Variants in CCT8 observed in about 807,000 individuals in gnomAD.
CCT8 encodes the protein T-complex protein 1 subunit theta.
CCT8 carries 10 observed loss-of-function variants against 65.7 expected under a neutral mutation model. The observed-to-expected ratio is 0.15, with a 90% CI of 0.09 to 0.26. The LOEUF (loss-of-function observed/expected upper bound fraction) is 0.26, where lower values mean the gene tolerates loss of function less well. Ranked by LOEUF, CCT8 falls within the 10% of genes least tolerant of loss-of-function variation. The pLI, the probability that CCT8 is intolerant of heterozygous loss-of-function variation, is 1.00. For synonymous variants in CCT8, 199 were observed against 221.8 expected (o/e 0.90, Z 0.92); for missense variants, 568 against 669.1 (o/e 0.85, Z 1.67).
chr21:29,066,954 A>G lies in CCT8; in HGVS notation c.499T>C (p.Ser167Pro), dbSNP rs751025576. The G allele has an allele frequency of 2.5e-6, 4 of 1,613,328 alleles. No individual in the cohort carries two copies. The highest frequency in any genetic ancestry group is 3.4e-6 in the Non-Finnish European group (4 of 1,179,388). The part of the protein sequence containing the change: ...IDEVSSLLRT[S>P]IMSKQYGNEV... ...TTACCATATTGTTTACTCATTATGGAGGTACGAAGTAGAGATGAGACTTCA... is the reference window on the plus strand; with the variant it reads ...TTACCATATTGTTTACTCATTATGGGGGTACGAAGTAGAGATGAGACTTCA... The change falls in exon 5 of 15, where the codon TCC becomes CCC. Residue 167 changes from serine to proline, a missense_variant. Coordinates refer to ENST00000286788, the MANE Select transcript of CCT8 (RefSeq NM_006585.4).
rs2085574616 is a variant in CCT8 at position 29,062,434 on chromosome 21, T to G, written c.1009-19A>C. On this transcript the variant is annotated intron_variant, in intron 9 of 14. Coordinates refer to ENST00000286788, the MANE Select transcript of CCT8 (RefSeq NM_006585.4). ...GAGGTGTCTGTAAGAAAGTGACTGT[T>G]GTAATAAAAATTCCATCTTGTTCAA... 1 of 1,611,966 alleles carries G rather than the reference T, an allele frequency of 6.2e-7. No individual in the cohort carries two copies. Among genetic ancestry groups the G allele is most frequent in the Admixed American group, 1.7e-5 (1 of 59,994 alleles).
chr21:29,069,056 C>G (rs1290567922), intron 3 of CCT8, among the ~76,000 whole-genome samples: 2 of 152,076 alleles, frequency 1.3e-5, no homozygotes, highest in African/African-American at 4.8e-5. Flanking sequence ...TTTATTTTCA[C>G]AAAACCAAAT....
chr21:29,072,646 C>T (rs1260631521), intron 1 of CCT8, among the ~76,000 whole-genome samples: 6 of 152,196 alleles, frequency 3.9e-5, no homozygotes, highest in Non-Finnish European at 1.5e-5. Flanking sequence ...TTAATGCTCC[C>T]CGTACCTCGC....
At position 29,065,104 on chromosome 21, in the gene CCT8, C is replaced by A; in HGVS notation, c.626G>T (p.Gly209Val). 2 of 1,613,602 alleles carry A rather than the reference C, an allele frequency of 1.2e-6. No individual in the cohort carries two copies. The highest frequency in any genetic ancestry group is 1.7e-6 in the Non-Finnish European group (2 of 1,179,838). Residue 209 changes from glycine (G) to valine (V), a missense_variant and splice_region_variant, in exon 7 of 15, where the codon GGC (glycine) becomes GTC (valine). Gly to Val is a moderately radical substitution (Grantham distance 109). Transcript: ENST00000286788. ...VDNIRVCKIL[G>V]SGISSSSVLH... is the part of the protein sequence containing the mutation. ...TACTGAAGAGGAACTGATACCAGAGCCCTAAGGAATTGAATACCAAACTCA... is the reference window on the plus strand; with the variant it reads ...TACTGAAGAGGAACTGATACCAGAGACCTAAGGAATTGAATACCAAACTCA...
intron 14 of CCT8, among the ~76,000 whole-genome samples, chr21:29,058,858 C>T (rs1490924572): frequency 6.6e-6 from 1 of 152,114 alleles, no homozygotes; most frequent in Non-Finnish European, 1.5e-5. Flanking sequence ...TCCCAAAGTG[C>T]TGGGATTACA....
intron 1 of CCT8, 181 bp downstream of exon 1, chr21:29,073,350 G>A (rs1304047772): frequency 2.8e-6 from 4 of 1,427,336 alleles, no homozygotes; most frequent in Non-Finnish European, 3.7e-6. Context: ...AAGAAGAGAA[G>A]TGCCCGCAGG....
chr21:29,073,634 G>A lies in CCT8; in HGVS notation c.-44C>T, dbSNP rs1176427693. 1.9e-6 allele frequency: 3 copies of A among 1,586,690 alleles called. No homozygotes were observed. The highest frequency in any genetic ancestry group is 1.3e-5 in the African/African-American group (1 of 74,480). ...AGTTCACGCGACCGCTCGGAAGACC[G>A]CGGAGGAAGCGAGGAGCACGCACAG... On this transcript the variant is annotated 5_prime_UTR_variant, in exon 1 of 15. Coordinates refer to ENST00000286788, the MANE Select transcript of CCT8 (RefSeq NM_006585.4).
chr21:29,065,176 C>G, intron 6 of CCT8, 71 bp from the exon 7 acceptor site: 1 of 1,482,806 alleles, frequency 6.7e-7, no homozygotes, highest in African/African-American at 1.4e-5. Flanking sequence ...GTTGATTCTC[C>G]ATATACCAAA....
At chr21:29,073,381 C>CA (rs1363780023) in intron 1 of CCT8, 150 bp downstream of exon 1, 84 of 1,464,172 alleles carry the variant, frequency 5.7e-5, no homozygotes, top group Non-Finnish European at 7.0e-5. Flanking sequence ...CGAGCCCTTC[C>CA]AAAATCACCT....
chr21:29,067,401 A>T, intron 4 of CCT8, 155 bp downstream of exon 4: 1 of 512,720 alleles, frequency 2.0e-6, no homozygotes, highest in Non-Finnish European at 3.3e-6. Context: ...CTAAAATGAT[A>T]CAGCATGTGA....
Position 29,073,345 on chromosome 21 carries a change from G to A in CCT8, c.60+186C>T, listed in dbSNP as rs182660661. ...CGGCCTTCTCCCGGTCGCGGAAGAA[G>A]AGAAGTGCCCGCAGGCTCCGGTGGC... On this transcript the variant is annotated intron_variant, in intron 1 of 14. Transcript: ENST00000286788. 43 of 1,425,218 alleles carry A rather than the reference G, an allele frequency of 3.0e-5. No homozygotes were observed. In the African/African-American group the frequency reaches 5.2e-4, roughly 17 times the overall value. The allele number at this position is 1,425,218 out of a possible 1,614,324, so 88.3% of individuals were successfully genotyped here. A position where few individuals can be genotyped will look rare whatever the true frequency, so the allele number is the denominator to read the frequency against.
intron 14 of CCT8, among the ~76,000 whole-genome samples, chr21:29,059,081 G>T (rs1348182401): frequency 6.6e-6 from 1 of 152,120 alleles, no homozygotes; most frequent in African/African-American, 2.4e-5. Context: ...ACCTGGCTGA[G>T]AACTGTCATT....
chr21:29,073,372 G>T, intron 1 of CCT8, 159 bp downstream of exon 1: 1 of 1,446,340 alleles, frequency 6.9e-7, no homozygotes. Flanking sequence ...TCCGGTGGCC[G>T]AGCCCTTCCA....
In CCT8 at chr21:29,067,703, T is replaced by C. The variant is rs1388903313; in HGVS notation, c.234A>G (p.Val78=). The part of the protein sequence containing the change: ...DAATILRELE[V]QHPAAKMIVM... ...CAATCATTTTTGCAGCAGGATGCTG[T>C]ACCTAGTAGAAAAGGTAATATCAAG... is the stretch of plus-strand genomic sequence containing the variant. Residue 78 remains valine, a splice_region_variant and synonymous_variant, in exon 4 of 15, where the codon GTA becomes GTG. Coordinates refer to ENST00000286788, the MANE Select transcript of CCT8 (RefSeq NM_006585.4). 7.4e-7 allele frequency: 1 copy of C among 1,357,438 alleles called. No homozygotes were observed. Among genetic ancestry groups the C allele is most frequent in the Non-Finnish European group, 9.6e-7 (1 of 1,046,746 alleles). The allele number at this position is 1,357,438 out of a possible 1,614,324, so 84.1% of individuals were successfully genotyped here.
At position 29,061,570 on chromosome 21, in the gene CCT8, G is replaced by C; in HGVS notation, c.1213-3C>G. On this transcript the variant is annotated splice_polypyrimidine_tract_variant and splice_region_variant and intron_variant, in intron 11 of 14. Transcript: ENST00000286788. ...CCTCCGGGTACAAGACGTTTATCCT[G>C]TATGTAGCGCCCCCACCAAAAAAAA... The C allele has an allele frequency of 6.2e-7, 1 of 1,612,802 alleles. No homozygotes were observed. The highest frequency in any genetic ancestry group is 8.5e-7 in the Non-Finnish European group (1 of 1,179,172).
At chr21:29,058,194 T>G (rs2085525442) in intron 14 of CCT8, 1 of 152,214 alleles carries the variant, frequency 6.6e-6, no homozygotes, top group Non-Finnish European at 1.5e-5. Flanking sequence ...ATCCCAGCAC[T>G]TTGGGAGGCC....
chr21:29,066,758 G>A lies in CCT8; in HGVS notation c.582C>T (p.Ser194=), dbSNP rs778824426. The A allele has an allele frequency of 1.9e-5, 31 of 1,605,984 alleles. No individual in the cohort carries two copies. The highest frequency in any genetic ancestry group is 4.0e-5 in the African/African-American group (3 of 74,412). The change falls in exon 6 of 15, where the codon TCC becomes TCT. Residue 194 remains serine (S), a synonymous_variant. Coordinates refer to ENST00000286788, the MANE Select transcript of CCT8 (RefSeq NM_006585.4). The part of the protein sequence containing the change: ...AQACVSIFPD[S]GHFNVDNIRV... ...TGATGTTATCAACATTGAAATGGCCGGAATCAGGAAAAATAGATACTGTTA... is the reference window on the plus strand; with the variant it reads ...TGATGTTATCAACATTGAAATGGCCAGAATCAGGAAAAATAGATACTGTTA...
At chr21:29,070,627 A>G (rs1392836492) in intron 1 of CCT8, among the ~76,000 whole-genome samples, 2 of 152,252 alleles carry the variant, frequency 1.3e-5, no homozygotes, top group African/African-American at 4.8e-5. Context: ...ACAGCATTTG[A>G]TATTCATAAA....
intron 14 of CCT8, chr21:29,059,764 T>C (rs965285515): frequency 1.3e-5 from 2 of 152,218 alleles, no homozygotes; most frequent in African/African-American, 2.4e-5. Flanking sequence ...CTTGCTATCA[T>C]AGTTCTTCCA....
Sources: allele counts gnomAD v4.1 joint callset (sites outside exome capture counted in the v4.1 genomes callset), GRCh38; gene constraint gnomAD v4.1.1; transcripts MANE v1.5; gene names NCBI Gene and HGNC (gene_info 2026-07-23, HGNC 2026-07-21).